Variants in LCN1 observed in about 807,000 individuals in gnomAD.
The protein encoded by LCN1 is lipocalin-1.
In LCN1, 25 loss-of-function variants were observed where a neutral mutation model predicts 22.3. That is an observed-to-expected ratio of 1.12 (90% CI 0.82 to 1.56). The LOEUF (loss-of-function observed/expected upper bound fraction) is 1.56, where lower values mean the gene tolerates loss of function less well. Among genes scored for constraint, LCN1 ranks in the 40% most tolerant of loss-of-function variants. LCN1 has a pLI of 0.00. For synonymous variants in LCN1, 85 were observed against 97.6 expected, an observed-to-expected ratio of 0.87 and a Z score of 0.76; for missense variants, 219 against 235.6, an observed-to-expected ratio of 0.93 and a Z score of 0.46.
chr9:135,524,839 C>A lies in LCN1; in HGVS notation c.413C>A (p.Pro138His). The change falls in exon 5 of 7, where the codon CCC (proline) becomes CAC (histidine). Residue 138 changes from proline (P) to histidine (H), a missense_variant. Pro to His is a moderately conservative substitution (Grantham distance 77). Coordinates refer to ENST00000371781, the MANE Select transcript of LCN1 (RefSeq NM_002297.4). ...GTCCTGGCACCCACAGGCAGAGACC[C>A]CAAGAACAACCTGGAAGCCTTGGAG... ...VRGVKLVGRD[P>H]KNNLEALEDF... 4 of 1,604,042 alleles carry A rather than the reference C, an allele frequency of 2.5e-6. No homozygotes were observed. The highest frequency in any genetic ancestry group is 2.3e-5 in the East Asian group (1 of 44,052).
Position 135,521,486 on chromosome 9 carries a change from C to A in LCN1, c.-12C>A, listed in dbSNP as rs978926372. ...GCGACCTGTCAGGCGGCCGTGGACT[C>A]AGACTCCGGAGATGAAGCCCCTGCT... On this transcript the variant is annotated 5_prime_UTR_variant, in exon 1 of 7. Coordinates refer to ENST00000371781, the MANE Select transcript of LCN1 (RefSeq NM_002297.4). 6.2e-7 allele frequency: 1 copy of A among 1,611,150 alleles called. No individual in the cohort carries two copies. Among genetic ancestry groups the A allele is most frequent in the Non-Finnish European group, 8.5e-7 (1 of 1,179,386 alleles).
At chr9:135,525,265 G>A in intron 6 of LCN1, 107 bp downstream of exon 6, 14 of 1,135,728 alleles carry the variant, frequency 1.2e-5, no homozygotes, top group Non-Finnish European at 1.7e-5. Context: ...CTACCTGGGT[G>A]GGAGATGCCC....
chr9:135,521,475 G>A lies in LCN1; in HGVS notation c.-23G>A, dbSNP rs760513644. Reference sequence around the variant, plus strand: ...AGCCCCAGCAAGCGACCTGTCAGGCGGCCGTGGACTCAGACTCCGGAGATG... The same window carrying A: ...AGCCCCAGCAAGCGACCTGTCAGGCAGCCGTGGACTCAGACTCCGGAGATG... On this transcript the variant is annotated 5_prime_UTR_variant, in exon 1 of 7. Transcript: ENST00000371781. The A allele has an allele frequency of 2.3e-5, 37 of 1,606,002 alleles. No individual in the cohort carries two copies. The highest frequency in any genetic ancestry group is 3.3e-5 in the South Asian group (3 of 90,676).
chr9:135,525,579 C>T (rs1010802361), intron 6 of LCN1, among the ~76,000 whole-genome samples: 1 of 152,104 alleles, frequency 6.6e-6, no homozygotes, highest in Admixed American at 6.5e-5. Flanking sequence ...GTCAGATGGG[C>T]CCCTTGCTGG....
rs1588384670 is a variant in LCN1, at chr9:135,525,261, G to A, written c.*1+103G>A. The A allele has an allele frequency of 8.4e-6, 10 of 1,195,266 alleles. No homozygotes were observed. In the East Asian group the frequency reaches 1.9e-4, roughly 23 times the overall value. 74.0% of individuals were successfully genotyped at this position (1,195,266 alleles called of 1,614,324 possible). On this transcript the variant is annotated intron_variant, in intron 6 of 6. Transcript: ENST00000371781. ...TCTCCCACCCATCCCACTCCTACCTGGGTGGGAGATGCCCCACGTAGGTCA... is the reference window on the plus strand; with the variant it reads ...TCTCCCACCCATCCCACTCCTACCTAGGTGGGAGATGCCCCACGTAGGTCA...
In LCN1 at chr9:135,521,720, A is replaced by T. The variant is rs1232351067; in HGVS notation, c.90+133A>T. The T allele has an allele frequency of 1.6e-5, 9 of 567,754 alleles. No homozygotes were observed. The East Asian group carries it at 6.2e-4, about 39-fold the overall frequency. 35.2% of individuals were successfully genotyped at this position (567,754 alleles called of 1,614,324 possible). A position where few individuals can be genotyped will look rare whatever the true frequency, so the allele number is the denominator to read the frequency against. On this transcript the variant is annotated intron_variant, in intron 1 of 6. Transcript: ENST00000371781. Reference sequence around the variant, plus strand: ...GGCATTCAAGCCCTGCCCTGAGGGAATGGTGGGATGGGGCAGCAGGGGTCT... The same window carrying T: ...GGCATTCAAGCCCTGCCCTGAGGGATTGGTGGGATGGGGCAGCAGGGGTCT...
intron 6 of LCN1, among the ~76,000 whole-genome samples, chr9:135,525,417 C>T (rs569254689): frequency 9.9e-5 from 15 of 152,268 alleles, no homozygotes; most frequent in African/African-American, 3.1e-4. Context: ...CTGGTGGAGA[C>T]GGTGTCTACC....
Position 135,523,918 on chromosome 9 carries a change from G to T in LCN1, c.331G>T (p.Val111Leu), listed in dbSNP as rs146328087. ...KHVAYIIRSH[V>L]KDHYIFYCEG... ...CGTGGCATACATCATCAGGTCGCAC[G>T]TGAAGGACCACTACATCTTTTACTG... is the stretch of plus-strand genomic sequence containing the variant. The change falls in exon 4 of 7, where the codon GTG becomes TTG. Residue 111 changes from valine (V) to leucine (L), a missense_variant. Physicochemically the swap from Val to Leu is conservative, Grantham distance 32 (BLOSUM62 1). Transcript: ENST00000371781. 5 of 1,614,138 alleles carry T rather than the reference G, an allele frequency of 3.1e-6. No individual in the cohort carries two copies. The South Asian group carries it at 4.4e-5, about 14-fold the overall frequency.
At chr9:135,524,375 G>A (rs1831576852) in intron 4 of LCN1, among the ~76,000 whole-genome samples, 2 of 152,176 alleles carry the variant, frequency 1.3e-5, no homozygotes, top group African/African-American at 4.8e-5. Context: ...TGGAAAGAAC[G>A]TTCCAGCTCC....
intron 2 of LCN1, among the ~76,000 whole-genome samples, 180 bp downstream of exon 2, chr9:135,522,357 G>A (rs1422134252): frequency 6.6e-6 from 1 of 152,226 alleles, no homozygotes. Context: ...GAGGGGCCCT[G>A]AGGGGGCAGA....
chr9:135,522,322 CTG>C, intron 2 of LCN1, 145 bp downstream of exon 2: 2 of 1,302,352 alleles, frequency 1.5e-6, no homozygotes, highest in Admixed American at 2.5e-5. Context: ...TGAGGGCAAA[CTG>C]TGCCACTGAG....
At chr9:135,521,865 G>A (rs1464341062) in intron 1 of LCN1, among the ~76,000 whole-genome samples, 182 bp from the exon 2 acceptor site, 4 of 152,076 alleles carry the variant, frequency 2.6e-5, no homozygotes, top group Non-Finnish European at 4.4e-5. Flanking sequence ...TGGCTTGTGG[G>A]GGCTGGAGCC....
intron 3 of LCN1, 129 bp downstream of exon 3, chr9:135,523,431 C>T: frequency 1.3e-6 from 1 of 746,880 alleles, no homozygotes; most frequent in Non-Finnish European, 2.2e-6. Context: ...CCACTAAAAG[C>T]CCACTCTCTT....
At chr9:135,523,641 C>T (rs1463040463) in intron 3 of LCN1, among the ~76,000 whole-genome samples, 1 of 152,162 alleles carries the variant, frequency 6.6e-6, no homozygotes, top group East Asian at 1.9e-4. Flanking sequence ...CCCGGAGGAA[C>T]CCCCCGTGAC....
chr9:135,523,903 A>C lies in LCN1; in HGVS notation c.316A>C (p.Ile106Leu), dbSNP rs1253289190. ...AGACGGGGGCAAGCACGTGGCATACATCATCAGGTCGCACGTGAAGGACCA... is the reference window on the plus strand; with the variant it reads ...AGACGGGGGCAAGCACGTGGCATACCTCATCAGGTCGCACGTGAAGGACCA... ...TADGGKHVAY[I>L]IRSHVKDHYI... The change falls in exon 4 of 7, where the codon ATC becomes CTC. Residue 106 changes from isoleucine to leucine, a missense_variant. Coordinates refer to ENST00000371781, the MANE Select transcript of LCN1 (RefSeq NM_002297.4). The C allele has an allele frequency of 1.2e-6, 2 of 1,614,088 alleles. No individual in the cohort carries two copies. Among genetic ancestry groups the C allele is most frequent in the Admixed American group, 3.3e-5 (2 of 60,016 alleles).
chr9:135,525,205 G>T, intron 6 of LCN1, 47 bp downstream of exon 6: 3 of 1,583,982 alleles, frequency 1.9e-6, no homozygotes, highest in Non-Finnish European at 1.7e-6. Context: ...CAGTTCTGGG[G>T]CTCAGTGGTG....
chr9:135,525,139 C>A lies in LCN1; in HGVS notation c.513C>A (p.Cys171Ter). ...TGCTTCCTTTTCCTGCAGAAACCTGCTCTCCAGGGAGCGATTAGGGTGAGT... is the reference window on the plus strand; with the variant it reads ...TGCTTCCTTTTCCTGCAGAAACCTGATCTCCAGGGAGCGATTAGGGTGAGT... ...SILIPRQSETCSPGSD is the reference protein window; with the variant it reads ...SILIPRQSET Residue 171 changes from cysteine (C) to a stop codon, truncating the protein, a stop_gained, in exon 6 of 7, where the codon TGC becomes TGA. Coordinates refer to ENST00000371781, the MANE Select transcript of LCN1 (RefSeq NM_002297.4). LOFTEE classifies it high-confidence loss of function. 6.2e-7 allele frequency: 1 copy of A among 1,613,728 alleles called. No individual in the cohort carries two copies. Among genetic ancestry groups the A allele is most frequent in the South Asian group, 1.1e-5 (1 of 91,022 alleles).
intron 6 of LCN1, 26 bp downstream of exon 6, chr9:135,525,184 T>A (rs1459065379): frequency 6.2e-7 from 1 of 1,610,286 alleles, no homozygotes; most frequent in African/African-American, 1.3e-5. Flanking sequence ...TAGAGGACAT[T>A]TGAGAAAATC....
At position 135,523,271 on chromosome 9, in the gene LCN1, G is replaced by T. The variant is rs745381039; in HGVS notation, c.261G>T (p.Glu87Asp). Residue 87 changes from glutamate (E) to aspartate (D), a missense_variant, in exon 3 of 7, where the codon GAG becomes GAT. By Grantham distance (45) the Glu-to-Asp change is conservative (BLOSUM62 2). Transcript: ENST00000371781. ...GCCAGGAGGTGAAGGCCGTCCTGGA[G>T]AAAACTGACGAGCCGGGAAAATACA... is the stretch of plus-strand genomic sequence containing the variant. ...GRCQEVKAVLEKTDEPGKYTA... is the reference protein window; with the variant it reads ...GRCQEVKAVLDKTDEPGKYTA... 1.2e-6 allele frequency: 2 copies of T among 1,612,676 alleles called. No individual in the cohort carries two copies. Among genetic ancestry groups the T allele is most frequent in the South Asian group, 2.2e-5 (2 of 90,914 alleles).
Sources: gnomAD v4.1 joint callset for allele counts (sites outside exome capture counted in the v4.1 genomes callset) on GRCh38, gnomAD v4.1.1 for gene constraint, MANE v1.5 for transcripts, NCBI Gene and HGNC (gene_info 2026-07-23, HGNC 2026-07-21) for gene names.